Variants in UNC5D observed in about 807,000 individuals in gnomAD.
UNC5D encodes netrin receptor UNC5D.
A neutral mutation model predicts 105.4 loss-of-function variants in UNC5D; 39 were observed. The ratio of observed to expected loss-of-function variants is 0.37; its 90% CI spans 0.29 to 0.48. UNC5D has a LOEUF of 0.48. UNC5D is among the 20% of genes least tolerant of loss of function. The pLI is 0.98. For synonymous variants in UNC5D, 452 were observed against 450.4 expected (o/e 1.00, Z -0.04); for missense variants, 991 against 1,202.4 (o/e 0.82, Z 2.60).
At chr8:35,691,524 T>C (rs1406454379) in intron 7 of UNC5D, among the ~76,000 whole-genome samples, 1 of 152,098 alleles carries the variant, frequency 6.6e-6, no homozygotes, top group African/African-American at 2.4e-5. Flanking sequence ...CCAAGACTGG[T>C]AAGAAGCAGA....
chr8:35,389,763 C>G (rs1194957381), intron 1 of UNC5D, among the ~76,000 whole-genome samples: 1 of 145,358 alleles, frequency 6.9e-6, no homozygotes, highest in African/African-American at 2.5e-5. Flanking sequence ...AAAAAAGTCT[C>G]GTGGGGCAAT....
intron 10 of UNC5D, 104 bp downstream of exon 10, chr8:35,726,633 A>C (rs1828893958): frequency 2.0e-6 from 3 of 1,515,888 alleles, no homozygotes; most frequent in South Asian, 2.5e-5. Flanking sequence ...CTCTCCCCTC[A>C]TCAGACCTGC....
At chr8:35,444,855 G>A (rs1807669488) in intron 1 of UNC5D, among the ~76,000 whole-genome samples, 1 of 151,958 alleles carries the variant, frequency 6.6e-6, no homozygotes. Flanking sequence ...ACAAATTTTA[G>A]TTAGTAATTT....
intron 1 of UNC5D, among the ~76,000 whole-genome samples, chr8:35,246,492 A>G (rs1585401511): frequency 6.6e-6 from 1 of 152,090 alleles, no homozygotes; most frequent in Non-Finnish European, 1.5e-5. Context: ...GTTTGGCAGG[A>G]GAAGACCTGG....
At chr8:35,545,309 T>G (rs1415661778) in intron 1 of UNC5D, among the ~76,000 whole-genome samples, 3 of 152,240 alleles carry the variant, frequency 2.0e-5, no homozygotes, top group Admixed American at 2.0e-4. Flanking sequence ...CAGTTCCTGT[T>G]CCTCTTTCTT....
intron 1 of UNC5D, among the ~76,000 whole-genome samples, chr8:35,356,492 A>T (rs1233231468): frequency 1.3e-5 from 2 of 152,156 alleles, no homozygotes; most frequent in Non-Finnish European, 2.9e-5. Flanking sequence ...CTGAGCACTT[A>T]TCATGGTCTG....
chr8:35,776,126 G>T (rs560044318), intron 16 of UNC5D, among the ~76,000 whole-genome samples: 3 of 152,258 alleles, frequency 2.0e-5, no homozygotes, highest in African/African-American at 7.2e-5. Context: ...AAAAAGAACA[G>T]TGAACAGGGA....
At chr8:35,780,413 C>A (rs529720024) in intron 16 of UNC5D, among the ~76,000 whole-genome samples, 14 of 152,308 alleles carry the variant, frequency 9.2e-5, no homozygotes, top group African/African-American at 3.1e-4. Context: ...CTCTGTCCAT[C>A]CTATTAATTG....
At chr8:35,605,117 G>C (rs1422600867) in intron 4 of UNC5D, among the ~76,000 whole-genome samples, 2 of 152,160 alleles carry the variant, frequency 1.3e-5, no homozygotes, top group Non-Finnish European at 2.9e-5. Flanking sequence ...GAGGAGAGAA[G>C]CTCTGCTTTT....
rs1465165989 is a variant in UNC5D at position 35,737,437 on chromosome 8, G to C, written c.1766+6341G>C. ...AATAGTTGCTCTGGGAGCAACTTTG[G>C]ATTTCTTTCCAGGGAATAAACATAG... On this transcript the variant is annotated intron_variant, in intron 11 of 16. Transcript: ENST00000404895. Among the ~76,000 whole-genome samples, 3 of 151,814 alleles carry C rather than the reference G, an allele frequency of 2.0e-5. No individual in the cohort carries two copies. In the South Asian group the frequency reaches 6.2e-4, roughly 32 times the overall value.
At chr8:35,391,190 C>G (rs1368849011) in intron 1 of UNC5D, among the ~76,000 whole-genome samples, 1 of 152,214 alleles carries the variant, frequency 6.6e-6, no homozygotes, top group African/African-American at 2.4e-5. Flanking sequence ...TTTGTTCAAC[C>G]TTAATGTTAT....
chr8:35,708,546 G>A (rs980759175), intron 8 of UNC5D, among the ~76,000 whole-genome samples: 12 of 152,274 alleles, frequency 7.9e-5, no homozygotes, highest in African/African-American at 2.2e-4. Flanking sequence ...GGTTCTGAAT[G>A]GCAAACACGC....
chr8:35,634,810 G>A (rs1463156435), intron 4 of UNC5D, among the ~76,000 whole-genome samples: 1 of 149,262 alleles, frequency 6.7e-6, no homozygotes, highest in Admixed American at 6.7e-5. Context: ...CTTGTTGCCT[G>A]GGCTGGAGTG....
At chr8:35,238,933 C>T (rs919254196) in intron 1 of UNC5D, among the ~76,000 whole-genome samples, 3 of 152,160 alleles carry the variant, frequency 2.0e-5, no homozygotes, top group Non-Finnish European at 4.4e-5. Context: ...CCACCCTCTT[C>T]CTTCCCACTT....
chr8:35,245,181 CTGATT>C (rs929269360), intron 1 of UNC5D, among the ~76,000 whole-genome samples: 141 of 152,082 alleles, frequency 9.3e-4, no homozygotes, highest in African/African-American at 3.4e-3. Context: ...CGAAATTCTT[CTGATT>C]TGTGTTCGAA....
At chr8:35,549,954 T>TC (rs1815996115) in intron 2 of UNC5D, among the ~76,000 whole-genome samples, 1 of 144,698 alleles carries the variant, frequency 6.9e-6, no homozygotes, top group Non-Finnish European at 1.5e-5. Flanking sequence ...TCTGAGTCCT[T>TC]TTTTTTTTTT....
At chr8:35,770,808 A>C (rs1264684653) in intron 15 of UNC5D, among the ~76,000 whole-genome samples, 1 of 152,284 alleles carries the variant, frequency 6.6e-6, no homozygotes, top group South Asian at 2.1e-4. Flanking sequence ...TTCTTCCAAA[A>C]GTGTTGGAAG....
chr8:35,613,972 C>CTG, intron 4 of UNC5D, among the ~76,000 whole-genome samples: 1 of 152,336 alleles, frequency 6.6e-6, no homozygotes, highest in South Asian at 2.1e-4. Context: ...GAGCTAAAGA[C>CTG]TGTGTGTGGG....
At chr8:35,597,461 T>C (rs533410940) in intron 4 of UNC5D, among the ~76,000 whole-genome samples, 17 of 152,250 alleles carry the variant, frequency 1.1e-4, no homozygotes, top group Admixed American at 1.3e-4. Context: ...AACAGAGGTA[T>C]CAGCAGTTCT....
Sources: gnomAD v4.1 joint callset for allele counts (sites outside exome capture counted in the v4.1 genomes callset) on GRCh38, gnomAD v4.1.1 for gene constraint, MANE v1.5 for transcripts, NCBI Gene and HGNC (gene_info 2026-07-23, HGNC 2026-07-21) for gene names.